ZDHHC17: variants seen among roughly 807,000 people sequenced by gnomAD.
ZDHHC17 encodes the protein palmitoyltransferase ZDHHC17.
A neutral mutation model predicts 90.3 loss-of-function variants in ZDHHC17; 40 were observed. The observed-to-expected ratio is 0.44, with a 90% confidence interval of 0.34 to 0.58. The LOEUF (loss-of-function observed/expected upper bound fraction) is 0.58. Among genes scored for constraint, ZDHHC17 ranks in the 20% least tolerant of loss-of-function variants. ZDHHC17 has a pLI of 0.01. For synonymous variants in ZDHHC17, 235 were observed against 252.4 expected (o/e 0.93, Z 0.65); for missense variants, 614 against 780.8 (o/e 0.79, Z 2.55).
intron 1 of ZDHHC17, among the ~76,000 whole-genome samples, chr12:76,796,609 A>G (rs1952822347): frequency 6.6e-6 from 1 of 152,196 alleles, no homozygotes; most frequent in Non-Finnish European, 1.5e-5. Context: ...GCACTGCTGT[A>G]TTCCTTATTC....
chr12:76,812,016 T>C (rs1371674224), intron 5 of ZDHHC17, among the ~76,000 whole-genome samples: 1 of 152,114 alleles, frequency 6.6e-6, no homozygotes, highest in Non-Finnish European at 1.5e-5. Context: ...GAAAGATGAA[T>C]GAATTCCACA....
intron 8 of ZDHHC17, among the ~76,000 whole-genome samples, chr12:76,824,675 A>G (rs1281948241): frequency 6.6e-6 from 1 of 152,056 alleles, no homozygotes. Context: ...TACTGCTGGT[A>G]GACAGATAAA....
At chr12:76,798,763 A>G (rs1212959467) in intron 2 of ZDHHC17, among the ~76,000 whole-genome samples, 1 of 152,176 alleles carries the variant, frequency 6.6e-6, no homozygotes, top group Non-Finnish European at 1.5e-5. Context: ...GGTACATCTG[A>G]ACCTGGCTGG....
At position 76,815,426 on chromosome 12, in the gene ZDHHC17, A is replaced by G. The variant is rs999387688; in HGVS notation, c.608+216A>G. ...TCCTTAATCTGTTTCTCTTTTAACA[A>G]TATCTAAGAAAAGAAGTTATCTTTT... On this transcript the variant is annotated intron_variant, in intron 6 of 16. Coordinates refer to ENST00000426126, the MANE Select transcript of ZDHHC17 (RefSeq NM_015336.4). 2.3e-4 allele frequency among the ~76,000 whole-genome samples: 35 copies of G among 151,936 alleles called. No homozygotes were observed. The South Asian group carries it at 2.7e-3, about 12-fold the overall frequency.
intron 7 of ZDHHC17, among the ~76,000 whole-genome samples, chr12:76,819,483 T>C (rs1268632326): frequency 2.6e-5 from 4 of 152,200 alleles, no homozygotes; most frequent in Admixed American, 1.3e-4. Flanking sequence ...TAAAAAGTTA[T>C]ATTTTTCAAA....
Position 76,853,571 on chromosome 12 carries a change from T to C in ZDHHC17, c.*2586T>C, listed in dbSNP as rs1953589099. 1 of 152,530 alleles carries C rather than the reference T, an allele frequency of 6.6e-6. No homozygotes were observed. The highest frequency in any genetic ancestry group is 1.5e-5 in the Non-Finnish European group (1 of 67,966). 9.4% of individuals were successfully genotyped at this position (152,530 alleles called of 1,614,324 possible). On this transcript the variant is annotated 3_prime_UTR_variant, in exon 17 of 17. Coordinates refer to ENST00000426126, the MANE Select transcript of ZDHHC17 (RefSeq NM_015336.4). The stretch of plus-strand genomic sequence containing the variant: ...ATTTATAACTGTGCCAAGTATTATT[T>C]TGCTACTTACCGTGTTATTCTGTGG...
At chr12:76,818,967 A>C (rs1320932869) in intron 7 of ZDHHC17, among the ~76,000 whole-genome samples, 2 of 152,230 alleles carry the variant, frequency 1.3e-5, no homozygotes, top group African/African-American at 2.4e-5. Flanking sequence ...CTGTTGCAAT[A>C]AATCAGACAA....
rs1198395315 is a variant in ZDHHC17 at position 76,797,512 on chromosome 12, A to T, written c.172A>T (p.Thr58Ser). The part of the protein sequence containing the change: ...GRKTHIDDYS[T>S]WDIVKATQYG... ...GAAAACTCATATTGATGATTACAGC[A>T]CATGGGACATAGTCAAGGCTACACA... Residue 58 changes from threonine to serine, a missense_variant, in exon 2 of 17, where the codon ACA becomes TCA. Around this residue, in one of 5 missense-constraint regions of ZDHHC17, gnomAD observed 358 missense variants for 380.4 expected, o/e 0.94. Transcript: ENST00000426126. 6.2e-7 allele frequency: 1 copy of T among 1,609,216 alleles called. No individual in the cohort carries two copies. The highest frequency in any genetic ancestry group is 1.7e-5 in the Admixed American group (1 of 59,576).
At chr12:76,843,343 G>C (rs1565807566) in intron 12 of ZDHHC17, among the ~76,000 whole-genome samples, 1 of 151,856 alleles carries the variant, frequency 6.6e-6, no homozygotes, top group Non-Finnish European at 1.5e-5. Flanking sequence ...ATTTATACTT[G>C]TATTTAAAAG....
chr12:76,834,652 T>TC (rs935360574), intron 10 of ZDHHC17, among the ~76,000 whole-genome samples: 3 of 152,210 alleles, frequency 2.0e-5, no homozygotes, highest in South Asian at 2.1e-4. Flanking sequence ...TATCTTTTTT[T>TC]CCCACAAGAG....
At chr12:76,842,689 A>G (rs757384260) in intron 11 of ZDHHC17, among the ~76,000 whole-genome samples, 1 of 152,180 alleles carries the variant, frequency 6.6e-6, no homozygotes, top group East Asian at 1.9e-4. Context: ...GACTAAGACA[A>G]TGGCAGATTC....
chr12:76,833,513 C>T (rs1169770448), intron 10 of ZDHHC17, among the ~76,000 whole-genome samples: 2 of 152,216 alleles, frequency 1.3e-5, no homozygotes, highest in Non-Finnish European at 2.9e-5. Context: ...CTTTAATTGG[C>T]CGGGCATGGT....
intron 1 of ZDHHC17, among the ~76,000 whole-genome samples, chr12:76,768,538 G>T (rs1459221398): frequency 1.3e-5 from 2 of 152,220 alleles, no homozygotes; most frequent in Non-Finnish European, 2.9e-5. Context: ...TTGTAGGCAC[G>T]TGAAACACTG....
chr12:76,832,223 A>G (rs1468425337), intron 10 of ZDHHC17, among the ~76,000 whole-genome samples: 2 of 152,196 alleles, frequency 1.3e-5, no homozygotes, highest in Non-Finnish European at 2.9e-5. Flanking sequence ...AAATAGCCAC[A>G]AGGCTTATAA....
chr12:76,798,755 T>C (rs1234385106), intron 2 of ZDHHC17, among the ~76,000 whole-genome samples: 1 of 152,100 alleles, frequency 6.6e-6, no homozygotes, highest in Admixed American at 6.5e-5. Flanking sequence ...GGGAAGCAGG[T>C]ACATCTGAAC....
At chr12:76,813,812 A>G (rs1953052813) in intron 5 of ZDHHC17, among the ~76,000 whole-genome samples, 1 of 152,054 alleles carries the variant, frequency 6.6e-6, no homozygotes, top group Non-Finnish European at 1.5e-5. Context: ...TAATCTTCAC[A>G]GAAGTCTTAT....
intron 2 of ZDHHC17, 98 bp downstream of exon 2, chr12:76,797,635 T>C (rs1349156246): frequency 2.2e-6 from 2 of 919,642 alleles, no homozygotes; most frequent in African/African-American, 1.7e-5. Context: ...AACATCAGTA[T>C]ATCTCAATTA....
chr12:76,783,619 A>C (rs1952652503), intron 1 of ZDHHC17, among the ~76,000 whole-genome samples: 1 of 152,232 alleles, frequency 6.6e-6, no homozygotes, highest in Non-Finnish European at 1.5e-5. Context: ...TACAGATTTT[A>C]TCTCTTCTCA....
At chr12:76,818,983 A>G (rs12369356) in intron 7 of ZDHHC17, among the ~76,000 whole-genome samples, 1,685 of 152,310 alleles carry the variant, frequency 0.011, 11 homozygotes, top group Non-Finnish European at 0.017. Context: ...GACAAGTGAT[A>G]ATGTTAGCTT....
Sources: allele counts gnomAD v4.1 joint callset (sites outside exome capture counted in the v4.1 genomes callset), GRCh38; gene constraint gnomAD v4.1.1; regional missense constraint gnomAD v4.1.1; transcripts MANE v1.5; gene names NCBI Gene and HGNC (gene_info 2026-07-23, HGNC 2026-07-21).